The following ZFYVE9 variants were observed in gnomAD, a reference collection of about 807,000 sequenced individuals.
The protein encoded by ZFYVE9 is zinc finger FYVE domain-containing protein 9.
In ZFYVE9, 43 loss-of-function variants were observed where a neutral mutation model predicts 126.7. The ratio of observed to expected loss-of-function variants is 0.34; its 90% CI spans 0.27 to 0.44. The LOEUF (loss-of-function observed/expected upper bound fraction) is 0.44. Among genes scored for constraint, ZFYVE9 ranks in the 20% least tolerant of loss-of-function variants. ZFYVE9 has a pLI of 1.00. For missense variants in ZFYVE9, 1,476 were observed against 1,697.0 expected, an observed-to-expected ratio of 0.87 and a Z score of 2.29; for synonymous variants, 521 against 597.4, an observed-to-expected ratio of 0.87 and a Z score of 1.87.
chr1:52,163,809 A>G (rs1644484606), intron 1 of ZFYVE9, among the ~76,000 whole-genome samples: 1 of 152,092 alleles, frequency 6.6e-6, no homozygotes, highest in South Asian at 2.1e-4. Context: ...CCTCATCTAA[A>G]TTATTAAAAA....
chr1:52,246,689 G>A (rs2124640680), intron 4 of ZFYVE9, among the ~76,000 whole-genome samples: 1 of 142,890 alleles, frequency 7.0e-6, no homozygotes, highest in South Asian at 2.2e-4. Context: ...GTGCCACCAC[G>A]TGTAACTAAT....
chr1:52,182,987 A>G (rs1330948582), intron 1 of ZFYVE9, among the ~76,000 whole-genome samples: 5 of 152,230 alleles, frequency 3.3e-5, no homozygotes, highest in African/African-American at 1.2e-4. Flanking sequence ...AGGATTGGCA[A>G]TTAGAAAGTC....
chr1:52,269,827 G>C (rs1395640643), intron 7 of ZFYVE9, among the ~76,000 whole-genome samples: 1 of 149,858 alleles, frequency 6.7e-6, no homozygotes, highest in Non-Finnish European at 1.5e-5. Flanking sequence ...TCACTCTATC[G>C]CCCAGGCTCC....
In ZFYVE9 at chr1:52,239,310, A is replaced by G. The variant is rs1198773284; in HGVS notation, c.1893A>G (p.Val631=). The stretch of plus-strand genomic sequence containing the variant: ...TAGGGGAAAACTCAGCAACCAATGT[A>G]TGCAGTCCATCTTTGGGAAACATCT... ...AKLGENSATN[V]CSPSLGNISN... The change falls in exon 4 of 19, where the codon GTA becomes GTG. Residue 631 remains valine, a synonymous_variant. Coordinates refer to ENST00000287727, the MANE Select transcript of ZFYVE9 (RefSeq NM_004799.4). 6.8e-6 allele frequency: 11 copies of G among 1,614,104 alleles called. No individual in the cohort carries two copies. The highest frequency in any genetic ancestry group is 1.7e-5 in the Admixed American group (1 of 60,000).
chr1:52,173,066 C>T (rs1291836774), intron 1 of ZFYVE9, among the ~76,000 whole-genome samples: 1 of 151,534 alleles, frequency 6.6e-6, no homozygotes, highest in Non-Finnish European at 1.5e-5. Flanking sequence ...GAGAGGGCAT[C>T]CCTGTCTTGT....
intron 13 of ZFYVE9, among the ~76,000 whole-genome samples, chr1:52,318,095 A>T (rs1646203235): frequency 6.6e-6 from 1 of 152,216 alleles, no homozygotes; most frequent in Non-Finnish European, 1.5e-5. Context: ...CATTACAAAA[A>T]ATGAAAACTA....
At chr1:52,160,616 G>A (rs1046859234) in intron 1 of ZFYVE9, 17 of 690,448 alleles carry the variant, frequency 2.5e-5, no homozygotes, top group Middle Eastern at 5.5e-4. Flanking sequence ...GTCGGGCACC[G>A]TGTTAGCCAG....
intron 1 of ZFYVE9, among the ~76,000 whole-genome samples, chr1:52,196,195 A>G (rs974117759): frequency 9.9e-5 from 15 of 152,186 alleles, no homozygotes; most frequent in Non-Finnish European, 1.8e-4. Flanking sequence ...AAATCTTACC[A>G]TATGCCATGT....
chr1:52,309,826 G>A (rs928730610), intron 13 of ZFYVE9, among the ~76,000 whole-genome samples: 3 of 152,148 alleles, frequency 2.0e-5, no homozygotes, highest in Non-Finnish European at 4.4e-5. Flanking sequence ...AGGGACTAAG[G>A]AAAGACTTTA....
intron 1 of ZFYVE9, chr1:52,162,255 A>G (rs879098735): frequency 3.4e-6 from 1 of 297,646 alleles, no homozygotes; most frequent in South Asian, 4.4e-5. Context: ...GAAGGTGATC[A>G]TCTTCTGTAC....
At chr1:52,274,020 C>T (rs1292749979) in intron 7 of ZFYVE9, among the ~76,000 whole-genome samples, 1 of 152,036 alleles carries the variant, frequency 6.6e-6, no homozygotes, top group African/African-American at 2.4e-5. Context: ...TTGCAACTAT[C>T]ACCACTGTTT....
intron 7 of ZFYVE9, 76 bp downstream of exon 7, chr1:52,268,708 T>G (rs568669621): frequency 6.6e-7 from 1 of 1,511,176 alleles, no homozygotes; most frequent in African/African-American, 1.4e-5. Flanking sequence ...GAATTACTTT[T>G]GTGTGGAACT....
At chr1:52,154,618 C>T (rs965453573) in intron 1 of ZFYVE9, among the ~76,000 whole-genome samples, 1 of 152,138 alleles carries the variant, frequency 6.6e-6, no homozygotes, top group African/African-American at 2.4e-5. Flanking sequence ...CATTCATTTC[C>T]CTCCACCCAT....
chr1:52,225,608 C>G lies in ZFYVE9; in HGVS notation c.-36-7563C>G, dbSNP rs114011770. Among the ~76,000 whole-genome samples, 924 of 152,144 alleles carry G rather than the reference C, an allele frequency of 6.1e-3. 4 individuals are homozygous for G. The highest frequency in any genetic ancestry group is 0.01 in the Middle Eastern group (3 of 294). Reference sequence around the variant, plus strand: ...CCGATTGGCCAAGGCTTAAACTTTTCCAAATAGGGTAAAAGTGTGATTTGT... The same window carrying G: ...CCGATTGGCCAAGGCTTAAACTTTTGCAAATAGGGTAAAAGTGTGATTTGT... On this transcript the variant is annotated intron_variant, in intron 2 of 18. Transcript: ENST00000287727.
At position 52,206,030 on chromosome 1, in the gene ZFYVE9, A is replaced by G. The variant is rs563292453; in HGVS notation, c.-142-10339A>G. ...ATTTTGATGCCATTTGCCTCAATTT[A>G]TATCATACTATTGGGATATATTTGT... On this transcript the variant is annotated intron_variant, in intron 1 of 18. Coordinates refer to ENST00000287727, the MANE Select transcript of ZFYVE9 (RefSeq NM_004799.4). Among the ~76,000 whole-genome samples, 348 of 152,340 alleles carry G rather than the reference A, an allele frequency of 2.3e-3. 1 individual carries two copies. Among genetic ancestry groups the G allele is most frequent in the Middle Eastern group, 0.01 (3 of 294 alleles).
chr1:52,170,924 T>G (rs1327327837), intron 1 of ZFYVE9, among the ~76,000 whole-genome samples: 1 of 152,184 alleles, frequency 6.6e-6, no homozygotes, highest in Admixed American at 6.5e-5. Context: ...AAATGTATAT[T>G]CTGCAGTTAT....
At chr1:52,290,578 CT>C (rs1645909108) in intron 10 of ZFYVE9, among the ~76,000 whole-genome samples, 1 of 152,010 alleles carries the variant, frequency 6.6e-6, no homozygotes, top group Non-Finnish European at 1.5e-5. Flanking sequence ...TGAAGTGTCT[CT>C]TATATTGTAT....
intron 11 of ZFYVE9, 123 bp from the exon 12 acceptor site, chr1:52,295,772 A>G (rs1039090560): frequency 1.6e-5 from 12 of 767,152 alleles, no homozygotes; most frequent in Non-Finnish European, 1.9e-5. Flanking sequence ...TTTTGAGCCC[A>G]AAATTTGATA....
At chr1:52,220,305 C>G (rs183099635) in intron 2 of ZFYVE9, among the ~76,000 whole-genome samples, 101 of 152,286 alleles carry the variant, frequency 6.6e-4, no homozygotes, top group African/African-American at 2.2e-3. Context: ...AAGTGAGTCT[C>G]ATTGTCTGAA....
Sources: gnomAD v4.1 joint callset for allele counts (sites outside exome capture counted in the v4.1 genomes callset) on GRCh38, gnomAD v4.1.1 for gene constraint, MANE v1.5 for transcripts, NCBI Gene and HGNC (gene_info 2026-07-23, HGNC 2026-07-21) for gene names.